Variants in RSPO3 observed in about 807,000 individuals in gnomAD.
The protein encoded by RSPO3 is R-spondin 3, also known as R-spondin-3.
RSPO3 carries 17 observed loss-of-function variants against 36.5 expected under a neutral mutation model. The observed-to-expected ratio is 0.47, with a 90% CI of 0.32 to 0.70. The LOEUF is 0.70. Among genes scored for constraint, RSPO3 ranks in the 30% least tolerant of loss-of-function variants. The pLI is 0.04. For missense variants in RSPO3, 294 were observed against 322.5 expected (o/e 0.91, Z 0.68); for synonymous variants, 108 against 107.0 (o/e 1.01, Z -0.06).
At chr6:127,161,100 T>A (rs1324624691) in intron 4 of RSPO3, among the ~76,000 whole-genome samples, 1 of 152,116 alleles carries the variant, frequency 6.6e-6, no homozygotes, top group Non-Finnish European at 1.5e-5. Flanking sequence ...GTGAAAACAT[T>A]TAATGCCTCA....
intron 4 of RSPO3, among the ~76,000 whole-genome samples, chr6:127,171,307 A>G (rs1290261600): frequency 6.6e-6 from 1 of 151,724 alleles, no homozygotes; most frequent in East Asian, 1.9e-4. Context: ...GTGCTCCCCA[A>G]GGCATTGTGC....
intron 1 of RSPO3, among the ~76,000 whole-genome samples, chr6:127,143,591 C>T (rs1774322301): frequency 6.6e-6 from 1 of 152,130 alleles, no homozygotes; most frequent in Non-Finnish European, 1.5e-5. Flanking sequence ...CACTTCTTTT[C>T]AACTCAGTCA....
chr6:127,123,392 C>G (rs945519308), intron 1 of RSPO3, among the ~76,000 whole-genome samples: 1 of 152,062 alleles, frequency 6.6e-6, no homozygotes, highest in South Asian at 2.1e-4. Flanking sequence ...GATACAGACA[C>G]GAATAGAATT....
chr6:127,133,974 T>C (rs1455236010), intron 1 of RSPO3, among the ~76,000 whole-genome samples: 1 of 152,156 alleles, frequency 6.6e-6, no homozygotes, highest in Admixed American at 6.5e-5. Flanking sequence ...TTAGAGCACT[T>C]TAGATATCAT....
chr6:127,152,619 G>A (rs924119777), intron 3 of RSPO3, among the ~76,000 whole-genome samples: 6 of 152,090 alleles, frequency 3.9e-5, no homozygotes, highest in Admixed American at 2.6e-4. Flanking sequence ...AATCCACACC[G>A]TATTTCTACT....
intron 1 of RSPO3, among the ~76,000 whole-genome samples, chr6:127,147,437 A>G (rs1774407104): frequency 2.0e-5 from 3 of 152,176 alleles, no homozygotes; most frequent in South Asian, 2.1e-4. Context: ...CTGTGCATCA[A>G]TCTTTCTTTC....
chr6:127,147,772 G>A (rs1286776020), intron 1 of RSPO3, among the ~76,000 whole-genome samples: 2 of 152,124 alleles, frequency 1.3e-5, no homozygotes, highest in African/African-American at 2.4e-5. Context: ...GTGTAACAGT[G>A]ATTCTTAAGG....
chr6:127,123,869 A>G (rs939752754), intron 1 of RSPO3, among the ~76,000 whole-genome samples: 6 of 152,070 alleles, frequency 3.9e-5, no homozygotes, highest in African/African-American at 1.4e-4. Flanking sequence ...TGGAAATTAC[A>G]ACGTGTAGTA....
intron 1 of RSPO3, among the ~76,000 whole-genome samples, chr6:127,121,352 AG>A (rs1182392581): frequency 6.6e-6 from 1 of 152,222 alleles, no homozygotes; most frequent in East Asian, 1.9e-4. Context: ...AGGAGTCAAA[AG>A]GCAAACTGCT....
At chr6:127,162,836 C>T (rs1774734571) in intron 4 of RSPO3, among the ~76,000 whole-genome samples, 1 of 152,166 alleles carries the variant, frequency 6.6e-6, no homozygotes, top group Admixed American at 6.5e-5. Context: ...ATTACAAAGA[C>T]ATTTGTTAAT....
chr6:127,176,719 A>T (rs1775063027), intron 4 of RSPO3, among the ~76,000 whole-genome samples: 2 of 151,916 alleles, frequency 1.3e-5, no homozygotes, highest in Non-Finnish European at 2.9e-5. Context: ...ACTTTAAGGA[A>T]GACATATTCT....
At chr6:127,177,344 A>T (rs148885776) in intron 4 of RSPO3, among the ~76,000 whole-genome samples, 1 of 151,970 alleles carries the variant, frequency 6.6e-6, no homozygotes, top group East Asian at 1.9e-4. Flanking sequence ...TTAGCTGTAC[A>T]GAAGGGGCAC....
At position 127,118,787 on chromosome 6, in the gene RSPO3, G is replaced by C. The variant is rs1302376405; in HGVS notation, c.-406G>C. On this transcript the variant is annotated 5_prime_UTR_variant, in exon 1 of 5. Transcript: ENST00000356698. ...CCCCTGCGCTCCAGGGGCCCCCGCCGCTGCAGCCGCAGCCGCCGCAGCTTC... is the reference window on the plus strand; with the variant it reads ...CCCCTGCGCTCCAGGGGCCCCCGCCCCTGCAGCCGCAGCCGCCGCAGCTTC... 1 of 155,028 alleles carries C rather than the reference G, an allele frequency of 6.5e-6. No homozygotes were observed. The highest frequency in any genetic ancestry group is 1.4e-5 in the Non-Finnish European group (1 of 70,218). The allele number at this position is 155,028 out of a possible 1,614,324, so 9.6% of individuals were successfully genotyped here.
intron 1 of RSPO3, among the ~76,000 whole-genome samples, chr6:127,123,695 T>C (rs978592196): frequency 6.6e-6 from 1 of 152,110 alleles, no homozygotes; most frequent in Non-Finnish European, 1.5e-5. Context: ...AATGTAAGAA[T>C]GAGTATGAAA....
At chr6:127,172,277 C>T (rs528111541) in intron 4 of RSPO3, among the ~76,000 whole-genome samples, 123 of 150,708 alleles carry the variant, frequency 8.2e-4, no homozygotes, top group African/African-American at 2.9e-3. Flanking sequence ...ATTTCCTAGT[C>T]TAAAACCAAA....
chr6:127,167,222 C>T (rs896164739), intron 4 of RSPO3, among the ~76,000 whole-genome samples: 1 of 151,552 alleles, frequency 6.6e-6, no homozygotes, highest in African/African-American at 2.4e-5. Context: ...CTGCACAGAT[C>T]GTCCCATCAC....
chr6:127,143,738 C>T (rs1176173336), intron 1 of RSPO3, among the ~76,000 whole-genome samples: 1 of 152,096 alleles, frequency 6.6e-6, no homozygotes, highest in Non-Finnish European at 1.5e-5. Flanking sequence ...GATGTTAGTA[C>T]ATTTGTAACT....
rs1316146631 is a variant in RSPO3 at position 127,154,311 on chromosome 6, A to T, written c.437-930A>T. Among the ~76,000 whole-genome samples, 4 of 152,298 alleles carry T rather than the reference A, an allele frequency of 2.6e-5. No individual in the cohort carries two copies. The East Asian group carries it at 7.7e-4, about 29-fold the overall frequency. On this transcript the variant is annotated intron_variant, in intron 3 of 4. Coordinates refer to ENST00000356698, the MANE Select transcript of RSPO3 (RefSeq NM_032784.5). ...TGTTATACATTAGAAAGTTTTAGGG[A>T]CATAAATATAATAGCACCTTGAGAT...
In RSPO3 at chr6:127,155,390, A is replaced by T; in HGVS notation, c.586A>T (p.Thr196Ser). 3.1e-6 allele frequency: 5 copies of T among 1,613,866 alleles called. No individual in the cohort carries two copies. Among genetic ancestry groups the T allele is most frequent in the Non-Finnish European group, 4.2e-6 (5 of 1,179,858 alleles). ...KGNLCPPTNE[T>S]RKCTVQRKKC... ...TAACCTGTGTCCCCCAACAAATGAG[A>T]CAAGAAAGTGTACAGTGCAAAGGAA... is the stretch of plus-strand genomic sequence containing the variant. Residue 196 changes from threonine (T) to serine (S), a missense_variant, in exon 4 of 5, where the codon ACA (threonine) becomes TCA (serine). This residue lies in a region of RSPO3 where 190 missense variants were observed against 185.2 expected (regional missense o/e 1.03). Coordinates refer to ENST00000356698, the MANE Select transcript of RSPO3 (RefSeq NM_032784.5).
Sources: allele counts gnomAD v4.1 joint callset (sites outside exome capture counted in the v4.1 genomes callset), GRCh38; gene constraint gnomAD v4.1.1; regional missense constraint gnomAD v4.1.1; transcripts MANE v1.5; gene names NCBI Gene and HGNC (gene_info 2026-07-23, HGNC 2026-07-21).